The following ANTXR1 variants were observed in gnomAD, a reference collection of about 807,000 sequenced individuals.
ANTXR1 encodes anthrax toxin receptor 1.
In ANTXR1, 19 loss-of-function variants were observed where a neutral mutation model predicts 78.1. That is an observed-to-expected ratio of 0.24 (90% CI 0.17 to 0.36). ANTXR1 has a LOEUF of 0.36. Ranked by LOEUF, ANTXR1 falls within the 10% of genes least tolerant of loss-of-function variation. The pLI is 1.00. For synonymous variants in ANTXR1, 273 were observed against 260.5 expected, an observed-to-expected ratio of 1.05 and a Z score of -0.46; for missense variants, 518 against 718.6, an observed-to-expected ratio of 0.72 and a Z score of 3.19.
chr2:69,230,495 T>C (rs1202507096), intron 17 of ANTXR1, among the ~76,000 whole-genome samples: 2 of 152,138 alleles, frequency 1.3e-5, no homozygotes, highest in Non-Finnish European at 2.9e-5. Flanking sequence ...TCATCCCTAT[T>C]TTGATGGCAC....
chr2:69,235,734 A>G (rs1203769208), intron 17 of ANTXR1, among the ~76,000 whole-genome samples: 1 of 151,228 alleles, frequency 6.6e-6, no homozygotes, highest in Non-Finnish European at 1.5e-5. Flanking sequence ...ACTTCTGTAC[A>G]TCAAAAAATA....
intron 17 of ANTXR1, among the ~76,000 whole-genome samples, chr2:69,210,031 C>T (rs190925342): frequency 9.8e-4 from 149 of 152,206 alleles, no homozygotes; most frequent in African/African-American, 3.3e-3. Flanking sequence ...GTTGGAGTCC[C>T]GGATGAGAGG....
At position 69,050,226 on chromosome 2, in the gene ANTXR1, G is replaced by A. The variant is rs540298887; in HGVS notation, c.296+5413G>A. On this transcript the variant is annotated intron_variant, in intron 3 of 17. Transcript: ENST00000303714. ...GGTGACAGGATCGATTGAGGCATGG[G>A]AGGTAAAGGCTGCAGTGAGCCGTAA... 6.6e-5 allele frequency among the ~76,000 whole-genome samples: 10 copies of A among 152,110 alleles called. No homozygotes were observed. The South Asian group carries it at 2.1e-3, about 32-fold the overall frequency.
At chr2:69,113,501 C>T (rs1672053670) in intron 10 of ANTXR1, among the ~76,000 whole-genome samples, 1 of 152,158 alleles carries the variant, frequency 6.6e-6, no homozygotes, top group Admixed American at 6.5e-5. Flanking sequence ...GTGGCTCTGT[C>T]CCCCATGCCA....
chr2:69,211,507 C>CA (rs1220776487), intron 17 of ANTXR1, among the ~76,000 whole-genome samples: 1 of 152,244 alleles, frequency 6.6e-6, no homozygotes, highest in African/African-American at 2.4e-5. Flanking sequence ...CCTGCCCACA[C>CA]AAGGTGTGTT....
At chr2:69,183,902 A>G (rs1674354178) in intron 16 of ANTXR1, among the ~76,000 whole-genome samples, 2 of 152,162 alleles carry the variant, frequency 1.3e-5, no homozygotes, top group South Asian at 4.1e-4. Flanking sequence ...ATACTGAGAT[A>G]GGCAAAGTCC....
Position 69,216,071 on chromosome 2 carries a change from G to A in ANTXR1, c.1434+22656G>A, listed in dbSNP as rs138330417. Among the ~76,000 whole-genome samples the A allele has an allele frequency of 9.7e-3, 1,477 of 152,330 alleles. 17 individuals carry two copies. Among genetic ancestry groups the A allele is most frequent in the African/African-American group, 0.031 (1,307 of 41,570 alleles). On this transcript the variant is annotated intron_variant, in intron 17 of 17. Transcript: ENST00000303714. ...TGGGAGCTCTTTTAGAGGCTTGCCAGGGAGACCGTGTGTGCCAGGAGGTGA... is the reference window on the plus strand; with the variant it reads ...TGGGAGCTCTTTTAGAGGCTTGCCAAGGAGACCGTGTGTGCCAGGAGGTGA...
chr2:69,065,722 A>G (rs1015230836), intron 3 of ANTXR1, among the ~76,000 whole-genome samples: 2 of 152,218 alleles, frequency 1.3e-5, no homozygotes, highest in Non-Finnish European at 2.9e-5. Flanking sequence ...AGTCCCAAAG[A>G]GACTGTTTTA....
chr2:69,236,081 C>T (rs904171632), intron 17 of ANTXR1, among the ~76,000 whole-genome samples: 5 of 152,174 alleles, frequency 3.3e-5, no homozygotes, highest in African/African-American at 1.2e-4. Flanking sequence ...ACCCATAACC[C>T]AATCACTTCT....
intron 12 of ANTXR1, among the ~76,000 whole-genome samples, chr2:69,140,004 G>T (rs1184790927): frequency 6.6e-6 from 1 of 152,150 alleles, no homozygotes; most frequent in Non-Finnish European, 1.5e-5. Context: ...ATCTTGTCTG[G>T]ATTATTCTCT....
At chr2:69,178,153 T>C (rs998502394) in intron 14 of ANTXR1, among the ~76,000 whole-genome samples, 1 of 152,186 alleles carries the variant, frequency 6.6e-6, no homozygotes, top group Non-Finnish European at 1.5e-5. Flanking sequence ...CCGAGTTTCT[T>C]AGTGGCCTTG....
chr2:69,165,290 C>G (rs1259082691), intron 13 of ANTXR1, among the ~76,000 whole-genome samples: 4 of 152,230 alleles, frequency 2.6e-5, no homozygotes, highest in African/African-American at 7.2e-5. Flanking sequence ...GGAAGTGTCT[C>G]CTTTGCAGCA....
At chr2:69,208,540 T>C (rs183789903) in intron 17 of ANTXR1, among the ~76,000 whole-genome samples, 1 of 152,382 alleles carries the variant, frequency 6.6e-6, no homozygotes, top group East Asian at 1.9e-4. Flanking sequence ...TATATTGGGT[T>C]AAATAAGATA....
chr2:69,158,575 AATGGT>A (rs1432156297), intron 13 of ANTXR1, among the ~76,000 whole-genome samples: 2 of 152,222 alleles, frequency 1.3e-5, no homozygotes, highest in African/African-American at 4.8e-5. Flanking sequence ...TCGACTTTGT[AATGGT>A]ATGAAAGCTG....
intron 13 of ANTXR1, among the ~76,000 whole-genome samples, chr2:69,157,344 C>T (rs1038455907): frequency 6.6e-6 from 1 of 152,070 alleles, no homozygotes; most frequent in African/African-American, 2.4e-5. Flanking sequence ...GTCAGTGTCA[C>T]CAGCTCCCAC....
chr2:69,238,317 A>C (rs1675819790), intron 17 of ANTXR1, among the ~76,000 whole-genome samples: 1 of 152,302 alleles, frequency 6.6e-6, no homozygotes, highest in South Asian at 2.1e-4. Context: ...CCTCTAGACT[A>C]TATTCTTCAT....
At chr2:69,230,073 C>T (rs543208310) in intron 17 of ANTXR1, among the ~76,000 whole-genome samples, 25 of 151,872 alleles carry the variant, frequency 1.6e-4, no homozygotes, top group African/African-American at 5.8e-4. Flanking sequence ...TTGTCTTGCC[C>T]CTTTGAAAGG....
intron 17 of ANTXR1, among the ~76,000 whole-genome samples, chr2:69,211,967 C>T (rs1168269140): frequency 1.3e-5 from 2 of 152,230 alleles, no homozygotes; most frequent in African/African-American, 4.8e-5. Flanking sequence ...CCACTCCTCT[C>T]GTTGTAAGTC....
chr2:69,112,958 T>A (rs1672033516), intron 10 of ANTXR1, among the ~76,000 whole-genome samples: 1 of 152,094 alleles, frequency 6.6e-6, no homozygotes, highest in Non-Finnish European at 1.5e-5. Context: ...GTGGCAAGGT[T>A]TTCAGTTGGG....
Sources: allele counts gnomAD v4.1 joint callset (sites outside exome capture counted in the v4.1 genomes callset), GRCh38; gene constraint gnomAD v4.1.1; transcripts MANE v1.5; gene names NCBI Gene and HGNC (gene_info 2026-07-23, HGNC 2026-07-21).